The following FBXO38 variants were observed in gnomAD, a reference collection of about 807,000 sequenced individuals.
The protein encoded by FBXO38 is F-box protein 38.
Under a neutral mutation model 131.9 loss-of-function variants are expected in FBXO38, and 53 were observed. The observed-to-expected ratio is 0.40, with a 90% CI of 0.32 to 0.51. The LOEUF (loss-of-function observed/expected upper bound fraction) is 0.51. Among genes scored for constraint, FBXO38 ranks in the 20% least tolerant of loss-of-function variants. The probability of loss-of-function intolerance (pLI) is 0.53; values close to 1 mark genes in which losing one functional copy is unlikely to be tolerated. For missense variants in FBXO38, 1,076 were observed against 1,475.6 expected, an observed-to-expected ratio of 0.73 and a Z score of 4.44; for synonymous variants, 452 against 505.6, an observed-to-expected ratio of 0.89 and a Z score of 1.42.
At position 148,394,771 on chromosome 5, in the gene FBXO38, A is replaced by C; in HGVS notation, c.-6A>C. 1 of 1,557,080 alleles carries C rather than the reference A, an allele frequency of 6.4e-7. No individual in the cohort carries two copies. The highest frequency in any genetic ancestry group is 1.2e-5 in the South Asian group (1 of 82,216). ...TTTTCTCGTTGATACTGGAGACTGC[A>C]CAACAATGGGGCCACGAAAGAAAAG... On this transcript the variant is annotated 5_prime_UTR_variant, in exon 2 of 22. Coordinates refer to ENST00000340253, the MANE Select transcript of FBXO38 (RefSeq NM_205836.3).
intron 6 of FBXO38, among the ~76,000 whole-genome samples, 200 bp downstream of exon 6, chr5:148,405,022 A>AG (rs1752362914): frequency 6.6e-6 from 1 of 151,876 alleles, no homozygotes; most frequent in Admixed American, 6.6e-5. Flanking sequence ...TCAGCAAAAA[A>AG]AAAAAAACAA....
chr5:148,387,243 A>G (rs944299216), intron 1 of FBXO38, among the ~76,000 whole-genome samples: 1 of 152,222 alleles, frequency 6.6e-6, no homozygotes, highest in African/African-American at 2.4e-5. Flanking sequence ...CATTTCAATA[A>G]TGTTCACAGC....
intron 14 of FBXO38, 32 bp from the exon 15 acceptor site, chr5:148,427,181 T>A (rs528973238): frequency 6.5e-7 from 1 of 1,542,734 alleles, no homozygotes; most frequent in African/African-American, 1.4e-5. Flanking sequence ...TCTTTTCTTT[T>A]CCTCGGGCCG....
intron 2 of FBXO38, 124 bp from the exon 3 acceptor site, chr5:148,398,875 T>C (rs1751978005): frequency 8.9e-7 from 1 of 1,118,600 alleles, no homozygotes; most frequent in African/African-American, 1.6e-5. Context: ...TAGCTTTAAA[T>C]CTCTGTCTTA....
chr5:148,425,492 G>T, intron 13 of FBXO38, 30 bp from the exon 14 acceptor site: 4 of 1,576,326 alleles, frequency 2.5e-6, no homozygotes, highest in Non-Finnish European at 1.7e-6. Context: ...TGCGCAAAAA[G>T]TAACTGTTAG....
At position 148,405,029 on chromosome 5, in the gene FBXO38, A is replaced by AG. The variant is rs1297991844; in HGVS notation, c.730+207_730+208insG. Among the ~76,000 whole-genome samples the AG allele has an allele frequency of 2.0e-5, 3 of 151,934 alleles. No homozygotes were observed. In the East Asian group the frequency reaches 5.8e-4, roughly 29 times the overall value. Reference sequence around the variant, plus strand: ...GTTTGACCTCAGCAAAAAAAAAAAAACAAAACTCAGAATATCTCTATTTTT... The same window carrying AG: ...GTTTGACCTCAGCAAAAAAAAAAAAAGCAAAACTCAGAATATCTCTATTTTT... On this transcript the variant is annotated intron_variant, in intron 6 of 21. Coordinates refer to ENST00000340253, the MANE Select transcript of FBXO38 (RefSeq NM_205836.3).
At chr5:148,438,596 C>T (rs1754487424) in intron 18 of FBXO38, 98 bp downstream of exon 18, 1 of 1,276,660 alleles carries the variant, frequency 7.8e-7, no homozygotes, top group Admixed American at 2.2e-5. Flanking sequence ...GGCATTCATT[C>T]ACTTGCCCAA....
At position 148,404,701 on chromosome 5, in the gene FBXO38, A is replaced by T. The variant is rs767575591; in HGVS notation, c.609A>T (p.Glu203Asp). Residue 203 changes from glutamate (E) to aspartate (D), a missense_variant, in exon 6 of 22, where the codon GAA becomes GAT. By Grantham distance (45) the Glu-to-Asp change is conservative (BLOSUM62 2). Coordinates refer to ENST00000340253, the MANE Select transcript of FBXO38 (RefSeq NM_205836.3). Reference protein sequence around the residue: ...TLHLVGVNVPEIPCIPMLRHL... With the variant: ...TLHLVGVNVPDIPCIPMLRHL... ...GTGTTTTAGGGGTGAATGTTCCTGAAATTCCTTGTATCCCAATGCTAAGGC... is the reference window on the plus strand; with the variant it reads ...GTGTTTTAGGGGTGAATGTTCCTGATATTCCTTGTATCCCAATGCTAAGGC... 1 of 1,579,548 alleles carries T rather than the reference A, an allele frequency of 6.3e-7. No homozygotes were observed. Among genetic ancestry groups the T allele is most frequent in the East Asian group, 2.3e-5 (1 of 43,518 alleles).
intron 1 of FBXO38, among the ~76,000 whole-genome samples, chr5:148,393,691 A>G (rs954205633): frequency 1.3e-5 from 2 of 152,192 alleles, no homozygotes; most frequent in Admixed American, 6.5e-5. Context: ...CCCAGAGTAC[A>G]TAAGTGGTAT....
Position 148,399,146 on chromosome 5 carries a change from G to A in FBXO38, c.262+14G>A. On this transcript the variant is annotated intron_variant, in intron 3 of 21. Coordinates refer to ENST00000340253, the MANE Select transcript of FBXO38 (RefSeq NM_205836.3). ...ACATGCCAAGTGGTAAGTGGATTTA[G>A]TCTGTGAAGTACAGTAGTGTCCTAC... The A allele has an allele frequency of 6.2e-7, 1 of 1,612,606 alleles. No individual in the cohort carries two copies. Among genetic ancestry groups the A allele is most frequent in the Non-Finnish European group, 8.5e-7 (1 of 1,179,194 alleles).
Position 148,410,619 on chromosome 5 carries a change from C to G in FBXO38, c.963-16C>G, listed in dbSNP as rs1752696604. On this transcript the variant is annotated splice_polypyrimidine_tract_variant and intron_variant, in intron 8 of 21. Coordinates refer to ENST00000340253, the MANE Select transcript of FBXO38 (RefSeq NM_205836.3). ...TTTTTGTTTTACTCTGATATGTTCTCTGTCTTTATTCACAGGTTACATGAA... is the reference window on the plus strand; with the variant it reads ...TTTTTGTTTTACTCTGATATGTTCTGTGTCTTTATTCACAGGTTACATGAA... 1.9e-6 allele frequency: 3 copies of G among 1,613,580 alleles called. No individual in the cohort carries two copies. Among genetic ancestry groups the G allele is most frequent in the Middle Eastern group, 3.3e-4 (2 of 6,058 alleles).
chr5:148,393,754 C>T (rs868690652), intron 1 of FBXO38, among the ~76,000 whole-genome samples: 2 of 152,144 alleles, frequency 1.3e-5, no homozygotes, highest in Non-Finnish European at 2.9e-5. Flanking sequence ...CACCTCTTTT[C>T]AGCTGTCATC....
chr5:148,422,818 T>C (rs1753514822), intron 12 of FBXO38, among the ~76,000 whole-genome samples: 1 of 152,210 alleles, frequency 6.6e-6, no homozygotes, highest in Non-Finnish European at 1.5e-5. Context: ...AAAAACCTAG[T>C]GGTTTCCCTC....
In FBXO38 at chr5:148,417,198, G is replaced by T; in HGVS notation, c.1612G>T (p.Ala538Ser). ...GCAGCCAGGAGAGCAGCAGTTTGCA[G>T]CTGACGGTAACCCAGATCTTTTATG... The part of the protein sequence containing the change: ...DLQPGEQQFA[A>S]DALNEMEDIV... Residue 538 changes from alanine (A) to serine (S), a missense_variant, in exon 12 of 22, where the codon GCT becomes TCT. Ala to Ser is a moderately conservative substitution (Grantham distance 99). Transcript: ENST00000340253. 6.2e-7 allele frequency: 1 copy of T among 1,607,718 alleles called. No homozygotes were observed. The highest frequency in any genetic ancestry group is 8.5e-7 in the Non-Finnish European group (1 of 1,174,326).
intron 17 of FBXO38, among the ~76,000 whole-genome samples, chr5:148,435,263 C>T (rs879480985): frequency 1.1e-4 from 17 of 152,116 alleles, no homozygotes; most frequent in African/African-American, 4.1e-4. Context: ...TTTGATTTGT[C>T]TAGACCACTC....
chr5:148,440,367 C>T lies in FBXO38; in HGVS notation c.3171-57C>T, dbSNP rs549677497. ...ACAGTTTTGATGGTTCCTTCCTACC[C>T]GACACTAATTATTTCCAGTTTTGTA... On this transcript the variant is annotated intron_variant, in intron 19 of 21. Coordinates refer to ENST00000340253, the MANE Select transcript of FBXO38 (RefSeq NM_205836.3). 65 of 1,060,002 alleles carry T rather than the reference C, an allele frequency of 6.1e-5. No individual in the cohort carries two copies. In the African/African-American group the frequency reaches 9.0e-4, roughly 15 times the overall value. The allele number at this position is 1,060,002 out of a possible 1,614,324, so 65.7% of individuals were successfully genotyped here. A position where few individuals can be genotyped will look rare whatever the true frequency, so the allele number is the denominator to read the frequency against.
At chr5:148,414,611 G>A (rs1218744557) in intron 10 of FBXO38, among the ~76,000 whole-genome samples, 2 of 152,172 alleles carry the variant, frequency 1.3e-5, no homozygotes, top group East Asian at 1.9e-4. Context: ...TTGTTACCTA[G>A]GACTTAGGAT....
At chr5:148,408,043 G>A (rs1398246237) in intron 7 of FBXO38, among the ~76,000 whole-genome samples, 1 of 152,076 alleles carries the variant, frequency 6.6e-6, no homozygotes, top group Non-Finnish European at 1.5e-5. Context: ...TAAGAAAAAG[G>A]CAGGCAACTC....
intron 6 of FBXO38, among the ~76,000 whole-genome samples, chr5:148,405,177 C>T (rs989207910): frequency 2.0e-5 from 3 of 152,136 alleles, no homozygotes; most frequent in Non-Finnish European, 4.4e-5. Context: ...TTAAACATAG[C>T]TTTTATGGTA....
Sources: gnomAD v4.1 joint callset for allele counts (sites outside exome capture counted in the v4.1 genomes callset) on GRCh38, gnomAD v4.1.1 for gene constraint, MANE v1.5 for transcripts, NCBI Gene and HGNC (gene_info 2026-07-23, HGNC 2026-07-21) for gene names.